TMEM132C: variants seen among roughly 807,000 people sequenced by gnomAD.
TMEM132C encodes the protein protein phosphatase 1, regulatory subunit 152.
Under a neutral mutation model 61.4 loss-of-function variants are expected in TMEM132C, and 29 were observed. That is an observed-to-expected ratio of 0.47 (90% CI 0.35 to 0.64). TMEM132C has a LOEUF of 0.64. TMEM132C is among the 30% of genes least tolerant of loss of function. The pLI, the probability that TMEM132C is intolerant of heterozygous loss-of-function variation, is 0.00. For synonymous variants in TMEM132C, 656 were observed against 633.1 expected (o/e 1.04, Z -0.54); for missense variants, 1,408 against 1,476.9 (o/e 0.95, Z 0.76).
chr12:128,390,501 A>T (rs756818136), intron 1 of TMEM132C, among the ~76,000 whole-genome samples: 6 of 152,026 alleles, frequency 3.9e-5, no homozygotes, highest in Non-Finnish European at 8.8e-5. Flanking sequence ...TAAGAACCCC[A>T]GGTTACATGG....
At chr12:128,267,921 C>T (rs1450129317) in intron 1 of TMEM132C, among the ~76,000 whole-genome samples, 3 of 152,200 alleles carry the variant, frequency 2.0e-5, no homozygotes, top group Admixed American at 6.5e-5. Context: ...CCACAGCTCC[C>T]CATCCACAGC....
At chr12:128,635,069 G>T (rs1441476665) in intron 4 of TMEM132C, among the ~76,000 whole-genome samples, 2 of 152,180 alleles carry the variant, frequency 1.3e-5, no homozygotes, top group Non-Finnish European at 2.9e-5. Flanking sequence ...ATGGGGATCA[G>T]GTTACTCAGA....
At chr12:128,599,182 A>T (rs1264515584) in intron 3 of TMEM132C, among the ~76,000 whole-genome samples, 1 of 152,110 alleles carries the variant, frequency 6.6e-6, no homozygotes, top group African/African-American at 2.4e-5. Flanking sequence ...CCCTGGGGTC[A>T]TCACCCCCAG....
intron 5 of TMEM132C, among the ~76,000 whole-genome samples, chr12:128,672,103 A>G (rs1954538033): frequency 6.6e-6 from 1 of 152,194 alleles, no homozygotes; most frequent in African/African-American, 2.4e-5. Flanking sequence ...CATGTAGTCT[A>G]TATAAACATT....
chr12:128,355,532 A>G (rs1180151965), intron 1 of TMEM132C, among the ~76,000 whole-genome samples: 1 of 151,792 alleles, frequency 6.6e-6, no homozygotes, highest in African/African-American at 2.4e-5. Context: ...ATCCTCTTAA[A>G]TCCTGTCAGT....
intron 1 of TMEM132C, among the ~76,000 whole-genome samples, chr12:128,271,360 A>G (rs1870515424): frequency 1.3e-5 from 2 of 151,566 alleles, no homozygotes; most frequent in Admixed American, 6.6e-5. Flanking sequence ...GGATTTCCAC[A>G]ATGTGTACAT....
chr12:128,694,074 C>T, intron 6 of TMEM132C, 40 bp downstream of exon 6: 1 of 1,541,830 alleles, frequency 6.5e-7, no homozygotes, highest in South Asian at 1.2e-5. Flanking sequence ...GCCAAAACAA[C>T]AACTTTATTT....
In TMEM132C at chr12:128,697,342, A is replaced by T. The variant is rs996174459; in HGVS notation, c.2048A>T (p.Tyr683Phe). The change falls in exon 8 of 9, where the codon TAC becomes TTC. Residue 683 changes from tyrosine (Y) to phenylalanine (F), a missense_variant. By Grantham distance (22) the Tyr-to-Phe change is conservative (BLOSUM62 3). Coordinates refer to ENST00000435159, the MANE Select transcript of TMEM132C (RefSeq NM_001136103.3). ...QLVAGLSVAL[Y>F]PNAENSKAVT... ...GTGGCTGGGCTGTCTGTCGCCCTTT[A>T]CCCCAACGCAGAAAACAGCAAGGCC... The T allele has an allele frequency of 1.3e-6, 2 of 1,551,108 alleles. No homozygotes were observed. The highest frequency in any genetic ancestry group is 2.4e-5 in the East Asian group (1 of 40,906).
At chr12:128,353,448 C>T (rs1873403541) in intron 1 of TMEM132C, among the ~76,000 whole-genome samples, 1 of 152,184 alleles carries the variant, frequency 6.6e-6, no homozygotes, top group Admixed American at 6.5e-5. Flanking sequence ...CCAAGGCCGG[C>T]TGCTCCTGGA....
chr12:128,340,516 A>G (rs1324657532), intron 1 of TMEM132C, among the ~76,000 whole-genome samples: 2 of 150,936 alleles, frequency 1.3e-5, no homozygotes, highest in Admixed American at 1.3e-4. Flanking sequence ...TGATACATAG[A>G]GCAAAGACCC....
At chr12:128,542,613 G>A (rs1873796143) in intron 2 of TMEM132C, among the ~76,000 whole-genome samples, 1 of 152,100 alleles carries the variant, frequency 6.6e-6, no homozygotes, top group Non-Finnish European at 1.5e-5. Flanking sequence ...TGTAATCCCA[G>A]CACTTTAGGA....
chr12:128,525,360 C>T (rs530223996), intron 2 of TMEM132C, among the ~76,000 whole-genome samples: 1 of 152,118 alleles, frequency 6.6e-6, no homozygotes, highest in South Asian at 2.1e-4. Context: ...CTCTCTCTCT[C>T]TCCCTCCTTT....
intron 3 of TMEM132C, among the ~76,000 whole-genome samples, chr12:128,604,327 T>C (rs374865110): frequency 4.0e-5 from 6 of 151,216 alleles, no homozygotes; most frequent in Middle Eastern, 3.5e-3. Context: ...TAGATGGACG[T>C]GTGGATAGAA....
chr12:128,512,352 G>A (rs909113693), intron 2 of TMEM132C, among the ~76,000 whole-genome samples: 1 of 152,040 alleles, frequency 6.6e-6, no homozygotes, highest in Admixed American at 6.6e-5. Flanking sequence ...CTTTTCTTGT[G>A]CAAAAGTAAC....
intron 1 of TMEM132C, among the ~76,000 whole-genome samples, chr12:128,377,240 T>A (rs2630220): frequency 0.96 from 145,790 of 152,222 alleles, 70,139 homozygotes; most frequent in East Asian, 1. Context: ...TTTTTAGTAG[T>A]GACAGGGTTT....
intron 2 of TMEM132C, among the ~76,000 whole-genome samples, chr12:128,510,535 A>G (rs1426207748): frequency 6.6e-6 from 1 of 151,876 alleles, no homozygotes; most frequent in African/African-American, 2.4e-5. Flanking sequence ...CACCCCCTGC[A>G]TTTTGTAAAT....
intron 2 of TMEM132C, among the ~76,000 whole-genome samples, chr12:128,459,884 C>CAAAAAAAA (rs71069569): frequency 1.2e-5 from 1 of 82,184 alleles, no homozygotes; most frequent in Non-Finnish European, 2.2e-5. Flanking sequence ...GACTCTGTCT[C>CAAAAAAAA]AAAAAAAAAA....
intron 5 of TMEM132C, among the ~76,000 whole-genome samples, chr12:128,678,571 G>T (rs1014450865): frequency 1.3e-5 from 2 of 152,240 alleles, no homozygotes; most frequent in Non-Finnish European, 2.9e-5. Flanking sequence ...TCTCAAGCAT[G>T]CAGGACGATG....
At chr12:128,332,128 T>G (rs1872680015) in intron 1 of TMEM132C, among the ~76,000 whole-genome samples, 1 of 152,334 alleles carries the variant, frequency 6.6e-6, no homozygotes, top group East Asian at 1.9e-4. Context: ...TATGGTATTT[T>G]GTTTTTCATT....
Sources: gnomAD v4.1 joint callset for allele counts (sites outside exome capture counted in the v4.1 genomes callset) on GRCh38, gnomAD v4.1.1 for gene constraint, MANE v1.5 for transcripts, NCBI Gene and HGNC (gene_info 2026-07-23, HGNC 2026-07-21) for gene names.